ATAD1: variants seen among roughly 807,000 people sequenced by gnomAD.
ATAD1 encodes ATPase family AAA domain containing 1.
ATAD1 carries 18 observed loss-of-function variants against 42.7 expected under a neutral mutation model. That is an observed-to-expected ratio of 0.42 (90% CI 0.29 to 0.63). The LOEUF is 0.63. Ranked by LOEUF, ATAD1 falls within the 20% of genes least tolerant of loss-of-function variation. ATAD1 has a pLI of 0.19. For missense variants in ATAD1, 294 were observed against 440.4 expected, an observed-to-expected ratio of 0.67 and a Z score of 2.98; for synonymous variants, 132 against 143.1, an observed-to-expected ratio of 0.92 and a Z score of 0.55.
At chr10:87,791,057 T>C (rs1451624942) in intron 3 of ATAD1, among the ~76,000 whole-genome samples, 3 of 124,032 alleles carry the variant, frequency 2.4e-5, no homozygotes, top group South Asian at 2.7e-4. Flanking sequence ...AAAAAAAAAT[T>C]AACCAGGTGT....
At chr10:87,798,657 T>TGTGTGTGTGTGTGTGTGTG (rs1349200937) in intron 2 of ATAD1, among the ~76,000 whole-genome samples, 11 of 149,962 alleles carry the variant, frequency 7.3e-5, no homozygotes, top group Admixed American at 1.3e-4. Flanking sequence ...TGTGTGTGTA[T>TGTGTGTGTGTGTGTGTGTG]TTAAAATGCC....
intron 4 of ATAD1, among the ~76,000 whole-genome samples, 177 bp from the exon 5 acceptor site, chr10:87,784,847 CAG>C (rs2131887880): frequency 1.3e-5 from 2 of 152,256 alleles, no homozygotes; most frequent in African/African-American, 4.8e-5. Context: ...GTTCTAAGCT[CAG>C]TGTCAGTTAA....
upstream of ATAD1, among the ~76,000 whole-genome samples, chr10:87,821,429 G>A (rs188171797): frequency 2.6e-5 from 4 of 152,230 alleles, no homozygotes; most frequent in Admixed American, 1.3e-4. Flanking sequence ...TTACTTGGGA[G>A]GCTGAGGCAG....
chr10:87,778,822 T>C (rs1564751258), intron 5 of ATAD1, among the ~76,000 whole-genome samples: 1 of 152,078 alleles, frequency 6.6e-6, no homozygotes, highest in East Asian at 1.9e-4. Flanking sequence ...TGGACATTCA[T>C]CGGCAAAAAA....
intron 1 of ATAD1, chr10:87,817,868 A>C: frequency 1.0e-6 from 1 of 985,546 alleles, no homozygotes; most frequent in Middle Eastern, 5.2e-4. Flanking sequence ...AAACCCCCAC[A>C]GTGACCAGGA....
chr10:87,780,103 C>A (rs1855496796), intron 5 of ATAD1, among the ~76,000 whole-genome samples: 1 of 152,114 alleles, frequency 6.6e-6, no homozygotes, highest in Admixed American at 6.5e-5. Context: ...AACTGTGGTA[C>A]ATCTACATAA....
At chr10:87,837,197 T>C (rs961291440) in intron 1 of ATAD1, among the ~76,000 whole-genome samples, 7 of 152,198 alleles carry the variant, frequency 4.6e-5, no homozygotes, top group Admixed American at 2.0e-4. Context: ...GGTTCTTGTA[T>C]GCTGACTAGT....
At chr10:87,811,197 G>A (rs1857162020) in intron 2 of ATAD1, among the ~76,000 whole-genome samples, 1 of 152,050 alleles carries the variant, frequency 6.6e-6, no homozygotes. Flanking sequence ...GCCACGTGTG[G>A]TTGCACACTT....
At chr10:87,782,522 T>C (rs758611356) in intron 5 of ATAD1, among the ~76,000 whole-genome samples, 1 of 152,162 alleles carries the variant, frequency 6.6e-6, no homozygotes, top group African/African-American at 2.4e-5. Context: ...TGAGATATTA[T>C]TATTACCTAA....
chr10:87,798,534 T>C (rs1856510226), intron 2 of ATAD1, among the ~76,000 whole-genome samples: 1 of 151,612 alleles, frequency 6.6e-6, no homozygotes, highest in Admixed American at 6.6e-5. Context: ...AACCACTGTT[T>C]GGATCTAACA....
At chr10:87,778,178 T>TAAAAAAAAAAAAAAA (rs377243162) in intron 5 of ATAD1, among the ~76,000 whole-genome samples, 3 of 88,752 alleles carry the variant, frequency 3.4e-5, no homozygotes, top group Non-Finnish European at 4.5e-5. Context: ...TAGAATAAAT[T>TAAAAAAAAAAAAAAA]AAAAAAAAAA....
At chr10:87,777,364 T>G (rs991511488) in intron 5 of ATAD1, among the ~76,000 whole-genome samples, 6 of 152,214 alleles carry the variant, frequency 3.9e-5, no homozygotes, top group South Asian at 2.1e-4. Context: ...TATGCTGGAA[T>G]GTACATACAT....
At chr10:87,836,801 G>A (rs7078010) in intron 1 of ATAD1, among the ~76,000 whole-genome samples, 17 of 151,792 alleles carry the variant, frequency 1.1e-4, no homozygotes, top group Non-Finnish European at 1.3e-4. Flanking sequence ...CTGGATCTCC[G>A]ATATCATAAA....
At chr10:87,803,108 T>C (rs1437663783) in intron 2 of ATAD1, among the ~76,000 whole-genome samples, 3 of 152,234 alleles carry the variant, frequency 2.0e-5, no homozygotes, top group East Asian at 1.9e-4. Flanking sequence ...ATGTGGCCTA[T>C]ATAAATTTTC....
intron 3 of ATAD1, 149 bp from the exon 4 acceptor site, chr10:87,790,579 G>T: frequency 1.2e-6 from 1 of 833,972 alleles, no homozygotes; most frequent in Non-Finnish European, 1.7e-6. Context: ...ACTTTTCCAA[G>T]CAGTAATGAA....
intron 3 of ATAD1, among the ~76,000 whole-genome samples, chr10:87,791,913 G>A (rs1856139892): frequency 6.6e-6 from 1 of 152,140 alleles, no homozygotes; most frequent in East Asian, 1.9e-4. Context: ...GGCCATTAAT[G>A]GAAAACCTGG....
chr10:87,812,299 T>C (rs1049564269), intron 2 of ATAD1, among the ~76,000 whole-genome samples: 1 of 152,184 alleles, frequency 6.6e-6, no homozygotes, highest in African/African-American at 2.4e-5. Context: ...ATTTTTGAGA[T>C]GGAGTCTCTC....
chr10:87,816,358 A>C (rs1857414167), intron 1 of ATAD1, among the ~76,000 whole-genome samples: 1 of 152,164 alleles, frequency 6.6e-6, no homozygotes, highest in Non-Finnish European at 1.5e-5. Context: ...ACTTCACAAT[A>C]ATTAGATTTA....
Position 87,794,046 on chromosome 10 carries a change from C to T in ATAD1, c.163-1291G>A, listed in dbSNP as rs143237983. On this transcript the variant is annotated intron_variant, in intron 2 of 9. Coordinates refer to ENST00000680024, the MANE Select transcript of ATAD1 (RefSeq NM_001321967.2). ...TCGAGACCAGCCTGGGCAACACAGA[C>T]GCCATCTCTACAAAAAATCAAAACT... 1.6e-3 allele frequency among the ~76,000 whole-genome samples: 249 copies of T among 152,092 alleles called. 4 individuals carry two copies. Among genetic ancestry groups the T allele is most frequent in the African/African-American group, 5.4e-3 (223 of 41,500 alleles).
Sources: allele counts gnomAD v4.1 joint callset (sites outside exome capture counted in the v4.1 genomes callset), GRCh38; gene constraint gnomAD v4.1.1; transcripts MANE v1.5; gene names NCBI Gene and HGNC (gene_info 2026-07-23, HGNC 2026-07-21).